Variants in MYRIP observed in about 807,000 individuals in gnomAD.
The protein encoded by MYRIP is rab effector MyRIP.
In MYRIP, 49 loss-of-function variants were observed where a neutral mutation model predicts 98.0. The ratio of observed to expected loss-of-function variants is 0.50; its 90% confidence interval spans 0.40 to 0.63. The LOEUF (loss-of-function observed/expected upper bound fraction) is 0.63. Ranked by LOEUF, MYRIP falls within the 30% of genes least tolerant of loss-of-function variation. MYRIP has a pLI of 0.00. For synonymous variants in MYRIP, 404 were observed against 409.5 expected, an observed-to-expected ratio of 0.99 and a Z score of 0.16; for missense variants, 1,004 against 1,058.2, an observed-to-expected ratio of 0.95 and a Z score of 0.71.
intron 3 of MYRIP, among the ~76,000 whole-genome samples, chr3:40,104,625 CTCA>C (rs1223544801): frequency 6.6e-6 from 1 of 152,194 alleles, no homozygotes; most frequent in Non-Finnish European, 1.5e-5. Flanking sequence ...TGTCAACATT[CTCA>C]TCATCATCAG....
chr3:39,996,756 A>C (rs1946369448), intron 2 of MYRIP, among the ~76,000 whole-genome samples: 1 of 152,158 alleles, frequency 6.6e-6, no homozygotes, highest in African/African-American at 2.4e-5. Context: ...CACCACACCT[A>C]TTCCAAAATT....
intron 1 of MYRIP, among the ~76,000 whole-genome samples, chr3:39,845,966 C>A (rs1292186250): frequency 6.6e-6 from 1 of 152,044 alleles, no homozygotes; most frequent in East Asian, 1.9e-4. Flanking sequence ...AATGAGATGA[C>A]CTTCCTGCAG....
chr3:40,122,675 A>AT (rs1216073966), intron 3 of MYRIP, among the ~76,000 whole-genome samples: 1 of 151,744 alleles, frequency 6.6e-6, no homozygotes, highest in Non-Finnish European at 1.5e-5. Context: ...AGACGTTTTG[A>AT]TTTTTTCTTC....
At chr3:40,100,168 T>C (rs1948918198) in intron 3 of MYRIP, 1 of 985,458 alleles carries the variant, frequency 1.0e-6, no homozygotes, top group Non-Finnish European at 1.2e-6. Context: ...CTGTGCCCTG[T>C]GTCCTGGCGT....
intron 1 of MYRIP, among the ~76,000 whole-genome samples, chr3:39,892,096 A>T (rs1943504873): frequency 6.6e-6 from 1 of 152,102 alleles, no homozygotes; most frequent in African/African-American, 2.4e-5. Flanking sequence ...TTCTATTTTC[A>T]TTATTTTTAA....
chr3:39,935,725 T>C (rs7648951), intron 2 of MYRIP, among the ~76,000 whole-genome samples: 76,880 of 151,882 alleles, frequency 0.51, 20,459 homozygotes, highest in African/African-American at 0.68. Context: ...AGGAATTCAC[T>C]GATGTCAAGG....
At chr3:39,836,537 T>C (rs1316436087) in intron 1 of MYRIP, among the ~76,000 whole-genome samples, 1 of 152,182 alleles carries the variant, frequency 6.6e-6, no homozygotes, top group Non-Finnish European at 1.5e-5. Context: ...TCCCATTCTG[T>C]AGTGAGGCAG....
intron 2 of MYRIP, among the ~76,000 whole-genome samples, chr3:40,014,908 T>C (rs545008866): frequency 4.6e-5 from 7 of 152,326 alleles, no homozygotes; most frequent in African/African-American, 1.4e-4. Flanking sequence ...TGGCACTTCA[T>C]TGGGTCAGAA....
At chr3:39,995,666 A>G (rs1016743419) in intron 2 of MYRIP, among the ~76,000 whole-genome samples, 1 of 152,204 alleles carries the variant, frequency 6.6e-6, no homozygotes, top group Non-Finnish European at 1.5e-5. Context: ...CCAACATTCA[A>G]ATTCAGGAAA....
chr3:40,111,662 G>A (rs1391194880), intron 3 of MYRIP, among the ~76,000 whole-genome samples: 1 of 152,024 alleles, frequency 6.6e-6, no homozygotes, highest in Non-Finnish European at 1.5e-5. Flanking sequence ...CTGGCTTGTG[G>A]GCTCTGAGTC....
upstream of MYRIP, chr3:39,809,059 A>G (rs1940566243): frequency 6.6e-6 from 1 of 152,194 alleles, no homozygotes; most frequent in South Asian, 2.1e-4. Flanking sequence ...AAAGCAATCC[A>G]GATAGGGGTC....
intron 1 of MYRIP, among the ~76,000 whole-genome samples, chr3:39,876,631 T>G (rs4635640): frequency 0.49 from 73,464 of 150,510 alleles, 19,448 homozygotes; most frequent in African/African-American, 0.7. Context: ...GAAATTCTGG[T>G]TTGAAAATTC....
intron 2 of MYRIP, among the ~76,000 whole-genome samples, chr3:40,000,677 T>C (rs948556063): frequency 6.6e-6 from 1 of 152,090 alleles, no homozygotes; most frequent in South Asian, 2.1e-4. Flanking sequence ...AGTCTTAATT[T>C]TATGAGATGA....
intron 3 of MYRIP, among the ~76,000 whole-genome samples, chr3:40,053,935 G>C (rs879354696): frequency 2.0e-5 from 3 of 152,132 alleles, no homozygotes; most frequent in Non-Finnish European, 4.4e-5. Flanking sequence ...CTGAACAGGG[G>C]AGTAACCATC....
In MYRIP at chr3:40,244,430, A is replaced by T. The variant is rs1195134577; in HGVS notation, c.2101-16A>T. 1 of 1,598,802 alleles carries T rather than the reference A, an allele frequency of 6.3e-7. No homozygotes were observed. Among genetic ancestry groups the T allele is most frequent in the African/African-American group, 1.3e-5 (1 of 74,438 alleles). On this transcript the variant is annotated splice_polypyrimidine_tract_variant and intron_variant, in intron 12 of 16. Coordinates refer to ENST00000302541, the MANE Select transcript of MYRIP (RefSeq NM_015460.4). ...AGTCTGCAGACATGAACTCAAATGT[A>T]GCACTGTCTCTACAGGTATACCTGG...
intron 3 of MYRIP, among the ~76,000 whole-genome samples, chr3:40,095,959 C>T (rs1025493620): frequency 2.0e-5 from 3 of 151,692 alleles, no homozygotes; most frequent in Non-Finnish European, 2.9e-5. Flanking sequence ...CTCTCACATA[C>T]ACATACATGA....
chr3:40,160,655 G>A (rs1950367990), intron 4 of MYRIP, among the ~76,000 whole-genome samples: 1 of 152,208 alleles, frequency 6.6e-6, no homozygotes, highest in Admixed American at 6.5e-5. Context: ...GACTCCGTGG[G>A]CGTAGGACCC....
chr3:39,848,620 C>A (rs1457780599), intron 1 of MYRIP, among the ~76,000 whole-genome samples: 1 of 152,210 alleles, frequency 6.6e-6, no homozygotes, highest in Non-Finnish European at 1.5e-5. Flanking sequence ...TACTTAAGAG[C>A]TCTCATGAGC....
intron 9 of MYRIP, among the ~76,000 whole-genome samples, chr3:40,187,839 C>T (rs1951079190): frequency 1.3e-5 from 2 of 152,184 alleles, no homozygotes; most frequent in African/African-American, 2.4e-5. Flanking sequence ...ATGATATAAG[C>T]AGGGAGATGA....
Sources: allele counts gnomAD v4.1 joint callset (sites outside exome capture counted in the v4.1 genomes callset), GRCh38; gene constraint gnomAD v4.1.1; transcripts MANE v1.5; gene names NCBI Gene and HGNC (gene_info 2026-07-23, HGNC 2026-07-21).